The following FGD5 variants were observed in gnomAD, a reference collection of about 807,000 sequenced individuals.
The protein encoded by FGD5 is FYVE, RhoGEF and PH domain-containing protein 5.
Under a neutral mutation model 133.4 loss-of-function variants are expected in FGD5, and 28 were observed. The observed-to-expected ratio is 0.21, with a 90% confidence interval of 0.16 to 0.29. The LOEUF (loss-of-function observed/expected upper bound fraction) is 0.29. Ranked by LOEUF, FGD5 falls within the 10% of genes least tolerant of loss-of-function variation. The pLI, the probability that FGD5 is intolerant of heterozygous loss-of-function variation, is 1.00. For missense variants in FGD5, 1,858 were observed against 1,895.2 expected (o/e 0.98, Z 0.36); for synonymous variants, 810 against 776.5 (o/e 1.04, Z -0.72).
chr3:14,880,820 T>G, intron 4 of FGD5, 48 bp downstream of exon 4: 1 of 1,600,962 alleles, frequency 6.2e-7, no homozygotes, highest in Non-Finnish European at 8.5e-7. Context: ...CTTTTACAAG[T>G]CTGTGATATA....
At chr3:14,927,919 C>T (rs2125162982) in intron 18 of FGD5, among the ~76,000 whole-genome samples, 1 of 150,938 alleles carries the variant, frequency 6.6e-6, no homozygotes, top group East Asian at 1.9e-4. Context: ...TGTGTGACGC[C>T]AGGCCTAGCT....
chr3:14,854,785 G>T (rs1348120613), intron 1 of FGD5, among the ~76,000 whole-genome samples: 1 of 152,094 alleles, frequency 6.6e-6, no homozygotes, highest in Admixed American at 6.5e-5. Flanking sequence ...GTGATGTTTT[G>T]ATATATGTAA....
intron 2 of FGD5, among the ~76,000 whole-genome samples, chr3:14,869,379 G>A (rs1334322549): frequency 3.3e-5 from 5 of 152,106 alleles, no homozygotes; most frequent in Non-Finnish European, 7.4e-5. Context: ...GATTGGGGGT[G>A]GGGGCATCTT....
rs930319810 is a variant in FGD5 at position 14,923,080 on chromosome 3, C to T, written c.3842C>T (p.Pro1281Leu). Residue 1281 changes from proline to leucine, a missense_variant, in exon 16 of 20, where the codon CCG (proline) becomes CTG (leucine). By Grantham distance (98) the Pro-to-Leu change is moderately conservative (BLOSUM62 -3). Around this residue, in one of 3 missense-constraint regions of FGD5, gnomAD observed 1,824 missense variants for 1,848.9 expected, o/e 0.99. Transcript: ENST00000285046. ...VCRNCSRNKY[P>L]LKYLKDRMAK... ...CGGAACTGTTCGCGGAACAAGTACCCGCTGAAGTACCTGAAGGACAGGATG... is the reference window on the plus strand; with the variant it reads ...CGGAACTGTTCGCGGAACAAGTACCTGCTGAAGTACCTGAAGGACAGGATG... 12 of 1,613,726 alleles carry T rather than the reference C, an allele frequency of 7.4e-6. No homozygotes were observed. The highest frequency in any genetic ancestry group is 2.2e-5 in the South Asian group (2 of 91,070).
At chr3:14,833,247 C>T (rs942609938) in intron 1 of FGD5, among the ~76,000 whole-genome samples, 10 of 152,066 alleles carry the variant, frequency 6.6e-5, no homozygotes, top group Admixed American at 2.0e-4. Context: ...GGTTGTTTTT[C>T]GGGATGATGT....
At chr3:14,855,956 C>G (rs1429483241) in intron 1 of FGD5, among the ~76,000 whole-genome samples, 1 of 152,132 alleles carries the variant, frequency 6.6e-6, no homozygotes, top group East Asian at 1.9e-4. Context: ...TTTCCCAGAC[C>G]AATGCCCTGA....
intron 1 of FGD5, among the ~76,000 whole-genome samples, chr3:14,835,347 A>G (rs750832818): frequency 9.2e-5 from 14 of 152,084 alleles, no homozygotes; most frequent in Non-Finnish European, 2.1e-4. Flanking sequence ...AAAATACAAA[A>G]TAATTAGCCT....
At chr3:14,908,378 T>A (rs2038378453) in intron 10 of FGD5, among the ~76,000 whole-genome samples, 1 of 152,106 alleles carries the variant, frequency 6.6e-6, no homozygotes, top group Admixed American at 6.5e-5. Context: ...CTTCAGCTGT[T>A]TTAGTAGACC....
At chr3:14,882,937 T>A (rs1398414957) in intron 4 of FGD5, among the ~76,000 whole-genome samples, 2 of 152,142 alleles carry the variant, frequency 1.3e-5, no homozygotes, top group Non-Finnish European at 2.9e-5. Flanking sequence ...CTTCAGAATT[T>A]CCTCTTAGAG....
At chr3:14,835,811 T>C (rs1225071859) in intron 1 of FGD5, among the ~76,000 whole-genome samples, 1 of 152,194 alleles carries the variant, frequency 6.6e-6, no homozygotes, top group African/African-American at 2.4e-5. Flanking sequence ...GTGGCAAGTG[T>C]GCAGTGGCTA....
At chr3:14,856,492 T>A (rs1168261125) in intron 1 of FGD5, among the ~76,000 whole-genome samples, 1 of 152,236 alleles carries the variant, frequency 6.6e-6, no homozygotes, top group East Asian at 1.9e-4. Flanking sequence ...ATAGTAATTC[T>A]TCTGATCCAT....
chr3:14,815,998 C>T (rs113270879), upstream of FGD5, among the ~76,000 whole-genome samples: 247 of 152,314 alleles, frequency 1.6e-3, 2 homozygotes, highest in African/African-American at 5.8e-3. Context: ...AAGCACTCTG[C>T]GCCTGGGGCT....
intron 10 of FGD5, 90 bp from the exon 11 acceptor site, chr3:14,910,771 T>G (rs2038432597): frequency 5.1e-6 from 6 of 1,170,040 alleles, no homozygotes; most frequent in Non-Finnish European, 7.4e-6. Flanking sequence ...GGGATTGATT[T>G]AAGTTTCCAC....
intron 1 of FGD5, among the ~76,000 whole-genome samples, chr3:14,835,188 G>C (rs1341215942): frequency 6.6e-6 from 1 of 152,210 alleles, no homozygotes; most frequent in Non-Finnish European, 1.5e-5. Context: ...CAGGGAGGCT[G>C]TCCTGCGGGT....
intron 1 of FGD5, 78 bp downstream of exon 1, chr3:14,821,674 G>A (rs2036507153): frequency 1.0e-5 from 15 of 1,442,042 alleles, no homozygotes; most frequent in Non-Finnish European, 1.4e-5. Context: ...GGGACAGATG[G>A]ACTTGCTTTC....
intron 4 of FGD5, among the ~76,000 whole-genome samples, chr3:14,888,119 A>G (rs975474520): frequency 1.2e-4 from 18 of 151,198 alleles, no homozygotes; most frequent in Non-Finnish European, 2.2e-4. Flanking sequence ...GCAGTGAGCT[A>G]TGAGCATACC....
Position 14,890,015 on chromosome 3 carries a change from A to G in FGD5, c.2749-7494A>G, listed in dbSNP as rs2037996364. ...TTTTTTAACAGCTTCATTGAGATAT[A>G]AATCTCATATTGTACATTTCAGCCC... On this transcript the variant is annotated intron_variant, in intron 4 of 19. Coordinates refer to ENST00000285046, the MANE Select transcript of FGD5 (RefSeq NM_152536.4). 2.0e-5 allele frequency among the ~76,000 whole-genome samples: 3 copies of G among 152,220 alleles called. No individual in the cohort carries two copies. The South Asian group carries it at 6.2e-4, about 32-fold the overall frequency.
intron 2 of FGD5, among the ~76,000 whole-genome samples, chr3:14,879,182 T>A (rs2037778651): frequency 6.6e-6 from 1 of 152,248 alleles, no homozygotes; most frequent in Admixed American, 6.5e-5. Flanking sequence ...AAACTGAGGC[T>A]TGACCTTGAA....
intron 1 of FGD5, among the ~76,000 whole-genome samples, chr3:14,844,212 AAAAAAATATATATATATATATAT>A (rs1479779403): frequency 9.3e-5 from 3 of 32,150 alleles, no homozygotes; most frequent in African/African-American, 2.5e-4. Context: ...ATTAAAAAAA[AAAAAAATATATATATATATATAT>A]ATATATATAT....
Sources: gnomAD v4.1 joint callset for allele counts (sites outside exome capture counted in the v4.1 genomes callset) on GRCh38, gnomAD v4.1.1 for gene constraint, gnomAD v4.1.1 regional missense constraint, MANE v1.5 for transcripts, NCBI Gene and HGNC (gene_info 2026-07-23, HGNC 2026-07-21) for gene names.